Variants in TRPC5 observed in about 807,000 individuals in gnomAD.
TRPC5 encodes transient receptor potential cation channel subfamily C member 5.
A neutral mutation model predicts 56.5 loss-of-function variants in TRPC5; 9 were observed. The observed-to-expected ratio is 0.16, with a 90% confidence interval of 0.10 to 0.28. TRPC5 has a LOEUF of 0.28. Among genes scored for constraint, TRPC5 ranks in the 10% least tolerant of loss-of-function variants. The pLI, the probability that TRPC5 is intolerant of heterozygous loss-of-function variation, is 1.00. For synonymous variants in TRPC5, 282 were observed against 278.5 expected (o/e 1.01, Z -0.13); for missense variants, 469 against 748.9 (o/e 0.63, Z 4.36).
chrX:112,060,405 A>G (rs1930433630), intron 1 of TRPC5, among the ~76,000 whole-genome samples: 1 of 112,521 alleles, frequency 8.9e-6, no homozygotes, highest in Non-Finnish European at 1.9e-5. Context: ...TGAGGTTGTG[A>G]GTAATAGTAA....
At chrX:111,809,004 T>C in intron 7 of TRPC5, among the ~76,000 whole-genome samples, 1 of 109,900 alleles carries the variant, frequency 9.1e-6, no homozygotes. Context: ...TATCCTACTG[T>C]GGCTGAGCCG....
At chrX:111,782,632 C>CACT (rs763602178) in intron 7 of TRPC5, among the ~76,000 whole-genome samples, 26 of 111,388 alleles carry the variant, frequency 2.3e-4, no homozygotes, top group Non-Finnish European at 4.3e-4. Flanking sequence ...GACAAGTACA[C>CACT]ACTAAACTGT....
Position 111,768,351 on chromosome X carries a change from C to G in TRPC5, c.*7962G>C, listed in dbSNP as rs1052283434. Among the ~76,000 whole-genome samples, 3 of 112,005 alleles carry G rather than the reference C, an allele frequency of 2.7e-5. No homozygotes were observed. Among genetic ancestry groups the G allele is most frequent in the African/African-American group, 9.7e-5 (3 of 30,816 alleles). On this transcript the variant is annotated 3_prime_UTR_variant, in exon 11 of 11. Coordinates refer to ENST00000262839, the MANE Select transcript of TRPC5 (RefSeq NM_012471.3). Reference sequence around the variant, plus strand: ...AGGTGAATTACACATAGCTCGTATTCTCTAGTATTCTCCTTCCTGCTACCA... The same window carrying G: ...AGGTGAATTACACATAGCTCGTATTGTCTAGTATTCTCCTTCCTGCTACCA...
intron 1 of TRPC5, among the ~76,000 whole-genome samples, chrX:112,070,364 T>A (rs1330346445): frequency 2.7e-5 from 3 of 111,491 alleles, no homozygotes; most frequent in Non-Finnish European, 3.8e-5. Flanking sequence ...CCAAGCTCCA[T>A]CAAGCCCACA....
intron 3 of TRPC5, among the ~76,000 whole-genome samples, chrX:111,888,706 A>AT (rs1924646855): frequency 9.6e-6 from 1 of 103,648 alleles, no homozygotes; most frequent in African/African-American, 3.6e-5. Flanking sequence ...AAAAAAAAAA[A>AT]AAAAAAAAAA....
chrX:111,944,331 A>G (rs192731402), intron 2 of TRPC5, among the ~76,000 whole-genome samples: 14 of 108,238 alleles, frequency 1.3e-4, no homozygotes, highest in African/African-American at 3.7e-4. Flanking sequence ...AGAGAGAGAG[A>G]GAGAGAGAAC....
chrX:111,892,549 C>T (rs1161617501), intron 3 of TRPC5, among the ~76,000 whole-genome samples: 1 of 111,645 alleles, frequency 9.0e-6, no homozygotes, highest in Non-Finnish European at 1.9e-5. Context: ...TGCAGCCCCA[C>T]CAGAGCTCAA....
chrX:111,989,950 G>A (rs1314223565), intron 1 of TRPC5, among the ~76,000 whole-genome samples: 2 of 112,597 alleles, frequency 1.8e-5, no homozygotes, highest in Non-Finnish European at 3.7e-5. Flanking sequence ...GGGGGAAAAT[G>A]AAGGCACAAG....
In TRPC5 at chrX:111,771,096, TAAAG is replaced by T. The variant is rs1257795835; in HGVS notation, c.*5213_*5216del. Among the ~76,000 whole-genome samples, 3 of 111,783 alleles carry T rather than the reference TAAAG, an allele frequency of 2.7e-5. No homozygotes were observed. The highest frequency in any genetic ancestry group is 3.8e-4 in the South Asian group (1 of 2,659). ...TGGTTCTATCAAGTCACTGGAGTTA[TAAAG>T]AAAGTTCTTTGAGGGGGAGGAGGGT... On this transcript the variant is annotated 3_prime_UTR_variant, in exon 11 of 11. Transcript: ENST00000262839.
chrX:111,790,475 G>A, intron 7 of TRPC5, among the ~76,000 whole-genome samples: 1 of 111,271 alleles, frequency 9.0e-6, no homozygotes, highest in Non-Finnish European at 1.9e-5. Flanking sequence ...GAGTTGATGA[G>A]TGCAGCAAAC....
intron 2 of TRPC5, among the ~76,000 whole-genome samples, chrX:111,940,852 A>G (rs911107595): frequency 1.8e-5 from 2 of 111,678 alleles, no homozygotes; most frequent in Non-Finnish European, 3.8e-5. Flanking sequence ...CTTTGATTGG[A>G]CAAAAGACTG....
chrX:111,983,134 A>T (rs923094279), intron 1 of TRPC5, among the ~76,000 whole-genome samples: 3 of 111,654 alleles, frequency 2.7e-5, no homozygotes, highest in African/African-American at 9.8e-5. Context: ...CTTGATCAAA[A>T]ATAATGCTGT....
intron 1 of TRPC5, among the ~76,000 whole-genome samples, chrX:112,024,840 A>G (rs181543248): frequency 2.0e-3 from 221 of 112,176 alleles, no homozygotes; most frequent in South Asian, 0.014. Context: ...TATGTGTGAC[A>G]TGACTTTGGG....
At chrX:111,828,003 A>G (rs776846886) in intron 7 of TRPC5, among the ~76,000 whole-genome samples, 1 of 111,917 alleles carries the variant, frequency 8.9e-6, no homozygotes, top group African/African-American at 3.2e-5. Flanking sequence ...TTAAGGTGTC[A>G]ATGTGGCTGA....
In TRPC5 at chrX:112,000,139, C is replaced by T. The variant is rs772468284; in HGVS notation, c.-21-47698G>A. On this transcript the variant is annotated intron_variant, in intron 1 of 10. Transcript: ENST00000262839. The stretch of plus-strand genomic sequence containing the variant: ...TTTTACCTGCCACTGTGATATTAAT[C>T]TTGTCTTGGATGAAAGCATACCAGA... Among the ~76,000 whole-genome samples, 6 of 111,650 alleles carry T rather than the reference C, an allele frequency of 5.4e-5. No homozygotes were observed. The South Asian group carries it at 2.3e-3, about 42-fold the overall frequency.
chrX:112,007,048 TGGGGTGGAGTG>T (rs987585045), intron 1 of TRPC5, among the ~76,000 whole-genome samples: 22 of 108,016 alleles, frequency 2.0e-4, no homozygotes, highest in African/African-American at 6.8e-4. Flanking sequence ...TATAGGGAGG[TGGGGTGGAGTG>T]GGGGTGGAGT....
intron 1 of TRPC5, among the ~76,000 whole-genome samples, chrX:112,070,751 C>T (rs938751459): frequency 9.5e-6 from 1 of 105,424 alleles, no homozygotes; most frequent in Admixed American, 1.0e-4. Flanking sequence ...TGAAAACTGC[C>T]CCCCCCCAAA....
intron 7 of TRPC5, among the ~76,000 whole-genome samples, chrX:111,827,495 T>A (rs1922274538): frequency 9.0e-6 from 1 of 111,136 alleles, no homozygotes; most frequent in African/African-American, 3.3e-5. Context: ...CCTGCTCCTT[T>A]CCTACTCTTC....
chrX:111,912,278 G>A lies in TRPC5; in HGVS notation c.900+13C>T. Reference sequence around the variant, plus strand: ...TTTAAGCTTCCCTGAAAGCAGACATGAGCTCAGCTTACCTCTTTCTGGTGG... The same window carrying A: ...TTTAAGCTTCCCTGAAAGCAGACATAAGCTCAGCTTACCTCTTTCTGGTGG... On this transcript the variant is annotated intron_variant, in intron 3 of 10. Coordinates refer to ENST00000262839, the MANE Select transcript of TRPC5 (RefSeq NM_012471.3). 1 of 1,181,536 alleles carries A rather than the reference G, an allele frequency of 8.5e-7. No individual in the cohort carries two copies. Among genetic ancestry groups the A allele is most frequent in the Non-Finnish European group, 1.1e-6 (1 of 879,792 alleles).
Sources: gnomAD v4.1 joint callset for allele counts (sites outside exome capture counted in the v4.1 genomes callset) on GRCh38, gnomAD v4.1.1 for gene constraint, MANE v1.5 for transcripts, NCBI Gene and HGNC (gene_info 2026-07-23, HGNC 2026-07-21) for gene names.